Variants in SF3A3 observed in about 807,000 individuals in gnomAD.
SF3A3 encodes splicing factor 3a subunit 3.
In SF3A3, 9 loss-of-function variants were observed where a neutral mutation model predicts 85.8. The ratio of observed to expected loss-of-function variants is 0.10; its 90% CI spans 0.06 to 0.18. The LOEUF (loss-of-function observed/expected upper bound fraction) is 0.18. Among genes scored for constraint, SF3A3 ranks in the 10% least tolerant of loss-of-function variants. SF3A3 has a pLI of 1.00. For missense variants in SF3A3, 306 were observed against 593.3 expected, an observed-to-expected ratio of 0.52 and a Z score of 5.03; for synonymous variants, 195 against 204.4, an observed-to-expected ratio of 0.95 and a Z score of 0.39.
chr1:37,986,811 C>CAAAAA (rs1186890843), intron 4 of SF3A3, among the ~76,000 whole-genome samples: 759 of 61,864 alleles, frequency 0.012, 71 homozygotes, highest in African/African-American at 0.023. Flanking sequence ...GACTCCATCT[C>CAAAAA]AAAAAAAAAA....
At chr1:37,960,899 C>T (rs957339399) in intron 15 of SF3A3, among the ~76,000 whole-genome samples, 15 of 151,962 alleles carry the variant, frequency 9.9e-5, no homozygotes, top group Non-Finnish European at 1.8e-4. Context: ...GTGATCCACC[C>T]GCCTCGGCCT....
rs151284866 is a variant in SF3A3 at position 37,958,663 on chromosome 1, G to A, written c.1429-400C>T. 2.1e-3 allele frequency among the ~76,000 whole-genome samples: 322 copies of A among 152,340 alleles called. 2 individuals carry two copies. The highest frequency in any genetic ancestry group is 7.1e-3 in the African/African-American group (297 of 41,588). Reference sequence around the variant, plus strand: ...TCAGAGGCCATTGCAGGGGTTGAAAGGGAAGCCAGGAAGTCTGAGCTTCCC... The same window carrying A: ...TCAGAGGCCATTGCAGGGGTTGAAAAGGAAGCCAGGAAGTCTGAGCTTCCC... On this transcript the variant is annotated intron_variant, in intron 16 of 16. Coordinates refer to ENST00000373019, the MANE Select transcript of SF3A3 (RefSeq NM_006802.4).
intron 16 of SF3A3, among the ~76,000 whole-genome samples, chr1:37,959,815 G>A (rs557800855): frequency 3.3e-5 from 5 of 152,026 alleles, no homozygotes; most frequent in African/African-American, 4.8e-5. Flanking sequence ...AAAATTAGTC[G>A]GGTGTGGTGG....
In SF3A3 at chr1:37,988,590, G is replaced by A. The variant is rs972011162; in HGVS notation, c.145-754C>T. Reference sequence around the variant, plus strand: ...AAAAAGAAAATCCTTGGTTTTCAGAGTATTTTGGGGCTGAGGGCTTGTAAT... The same window carrying A: ...AAAAAGAAAATCCTTGGTTTTCAGAATATTTTGGGGCTGAGGGCTTGTAAT... On this transcript the variant is annotated intron_variant, in intron 2 of 16. Transcript: ENST00000373019. Among the ~76,000 whole-genome samples, 4 of 152,252 alleles carry A rather than the reference G, an allele frequency of 2.6e-5. No individual in the cohort carries two copies. The South Asian group carries it at 6.2e-4, about 24-fold the overall frequency.
At chr1:37,978,043 A>C (rs564220862) in intron 11 of SF3A3, among the ~76,000 whole-genome samples, 7 of 151,866 alleles carry the variant, frequency 4.6e-5, no homozygotes, top group East Asian at 3.9e-4. Context: ...AACAAACAAA[A>C]AAAACAACCC....
intron 10 of SF3A3, 21 bp from the exon 11 acceptor site, chr1:37,978,848 A>G: frequency 6.4e-7 from 1 of 1,572,200 alleles, no homozygotes; most frequent in Non-Finnish European, 8.7e-7. Flanking sequence ...AGGACGGCAA[A>G]GGATTTTAGG....
intron 15 of SF3A3, among the ~76,000 whole-genome samples, chr1:37,961,030 GT>G (rs1483490968): frequency 6.6e-6 from 1 of 152,086 alleles, no homozygotes; most frequent in Non-Finnish European, 1.5e-5. Context: ...CATAAGACAG[GT>G]CCACTGCCAG....
At chr1:37,983,940 A>AT (rs1360294036) in intron 6 of SF3A3, among the ~76,000 whole-genome samples, 1 of 152,118 alleles carries the variant, frequency 6.6e-6, no homozygotes, top group Non-Finnish European at 1.5e-5. Flanking sequence ...TCATCTCAAA[A>AT]TAAAAAAAAA....
intron 15 of SF3A3, among the ~76,000 whole-genome samples, chr1:37,966,935 CAAAAAAA>C (rs11394683): frequency 1.4e-4 from 2 of 14,170 alleles, no homozygotes; most frequent in Admixed American, 2.4e-3. Context: ...AACTCCATCT[CAAAAAAA>C]AAAAAAAAAA....
At chr1:37,962,292 A>C (rs1646266214) in intron 15 of SF3A3, among the ~76,000 whole-genome samples, 2 of 10,990 alleles carry the variant, frequency 1.8e-4, no homozygotes, top group African/African-American at 3.5e-4. Flanking sequence ...TGTCAAAAAA[A>C]AAAAAAAAAA....
chr1:37,958,605 T>G (rs1425600549), intron 16 of SF3A3, among the ~76,000 whole-genome samples: 1 of 152,190 alleles, frequency 6.6e-6, no homozygotes, highest in Non-Finnish European at 1.5e-5. Context: ...AACAGCAGTT[T>G]TCAAATGGTT....
intron 7 of SF3A3, 162 bp from the exon 8 acceptor site, chr1:37,980,886 C>G: frequency 2.4e-6 from 1 of 421,064 alleles, no homozygotes; most frequent in East Asian, 4.3e-5. Context: ...TTTCGCTCCT[C>G]TTACCCAGGC....
rs2148718123 is a variant in SF3A3 at position 37,969,583 on chromosome 1, G to C, written c.1158C>G (p.Gly386=). 1 of 1,614,180 alleles carries C rather than the reference G, an allele frequency of 6.2e-7. No individual in the cohort carries two copies. The highest frequency in any genetic ancestry group is 2.2e-5 in the East Asian group (1 of 44,880). The change falls in exon 13 of 17, where the codon GGC becomes GGG. Residue 386 remains glycine, a synonymous_variant. Coordinates refer to ENST00000373019, the MANE Select transcript of SF3A3 (RefSeq NM_006802.4). ...IIYNPKNLPL[G]WDGKPIPYWL... Reference sequence around the variant, plus strand: ...TGCTGAGACTTACTTTGCCATCCCAGCCAAGTGGCAGGTTTTTGGGGTTGT... The same window carrying C: ...TGCTGAGACTTACTTTGCCATCCCACCCAAGTGGCAGGTTTTTGGGGTTGT...
chr1:37,977,034 C>T (rs546338040), intron 11 of SF3A3, 81 bp from the exon 12 acceptor site: 9 of 926,932 alleles, frequency 9.7e-6, no homozygotes, highest in East Asian at 7.2e-5. Context: ...ACATTTATTG[C>T]ACAACTGCAT....
Position 37,961,783 on chromosome 1 carries a change from A to AAAAAAAAAAT in SF3A3, c.1373-1609_1373-1608insATTTTTTTTT, listed in dbSNP as rs1646261010. 1.6e-4 allele frequency among the ~76,000 whole-genome samples: 21 copies of AAAAAAAAAAT among 134,296 alleles called. No individual in the cohort carries two copies. The East Asian group carries it at 4.3e-3, about 28-fold the overall frequency. 88.1% of individuals were successfully genotyped at this position (134,296 alleles called of 152,430 possible). A position where few individuals can be genotyped will look rare whatever the true frequency, so the allele number is the denominator to read the frequency against. ...CCAAAAAAAAAAAAAAAAAAAAAAA[A>AAAAAAAAAAT]GAAAGAAAGAAAAAAAGGCCGGGCG... On this transcript the variant is annotated intron_variant, in intron 15 of 16. Coordinates refer to ENST00000373019, the MANE Select transcript of SF3A3 (RefSeq NM_006802.4).
intron 16 of SF3A3, 62 bp downstream of exon 16, chr1:37,960,058 C>T: frequency 2.2e-6 from 3 of 1,340,686 alleles, no homozygotes; most frequent in Non-Finnish European, 3.2e-6. Context: ...CTCCTTTCTA[C>T]ATGGTGAGGG....
Position 37,978,835 on chromosome 1 carries a change from G to T in SF3A3, c.828-8C>A. ...GCTCGCTCTTCTAGGGTCCTAAGGA[G>T]ACAGGACGGCAAAGGATTTTAGGGT... is the stretch of plus-strand genomic sequence containing the variant. On this transcript the variant is annotated splice_region_variant and splice_polypyrimidine_tract_variant and intron_variant, in intron 10 of 16. Transcript: ENST00000373019. 1 of 1,572,206 alleles carries T rather than the reference G, an allele frequency of 6.4e-7. No individual in the cohort carries two copies. Among genetic ancestry groups the T allele is most frequent in the Non-Finnish European group, 8.7e-7 (1 of 1,155,454 alleles).
intron 2 of SF3A3, among the ~76,000 whole-genome samples, chr1:37,988,895 AT>A (rs1200614023): frequency 2.6e-4 from 38 of 147,352 alleles, no homozygotes; most frequent in African/African-American, 7.3e-4. Context: ...ATATATATAT[AT>A]TTTTTTTTTC....
At chr1:37,969,498 G>A in intron 13 of SF3A3, 34 bp from the exon 14 acceptor site, 2 of 1,612,080 alleles carry the variant, frequency 1.2e-6, no homozygotes, top group South Asian at 1.1e-5. Context: ...AAACCAAGAA[G>A]TGTTAGCCTA....
Sources: allele counts gnomAD v4.1 joint callset (sites outside exome capture counted in the v4.1 genomes callset), GRCh38; gene constraint gnomAD v4.1.1; transcripts MANE v1.5; gene names NCBI Gene and HGNC (gene_info 2026-07-23, HGNC 2026-07-21).